Variants in XPA observed in about 807,000 individuals in gnomAD.
The protein encoded by XPA is DNA repair protein complementing XP-A cells.
XPA carries 27 observed loss-of-function variants against 35.7 expected under a neutral mutation model. The observed-to-expected ratio is 0.76, with a 90% CI of 0.56 to 1.04. XPA has a LOEUF of 1.04. Among genes scored for constraint, XPA ranks in the 50% least tolerant of loss-of-function variants. The pLI is 0.00. For missense variants in XPA, 354 were observed against 342.7 expected (o/e 1.03, Z -0.26); for synonymous variants, 133 against 118.4 (o/e 1.12, Z -0.80).
chr9:97,660,814 G>T, the XPA span: 1 of 1,053,494 alleles, frequency 9.5e-7, no homozygotes, highest in South Asian at 1.8e-5. Context: ...ATTAAATATT[G>T]ACCTTGGGAT....
At chr9:97,690,390 T>G (rs768771504) in intron 2 of XPA, among the ~76,000 whole-genome samples, 2 of 151,758 alleles carry the variant, frequency 1.3e-5, no homozygotes, top group East Asian at 3.9e-4. Context: ...TTTGTTTTTG[T>G]TTTGTTTTGT....
intron 5 of XPA, among the ~76,000 whole-genome samples, chr9:97,680,016 A>ATTTT (rs1828487984): frequency 1.3e-5 from 2 of 152,248 alleles, no homozygotes; most frequent in Non-Finnish European, 2.9e-5. Context: ...TGAAAGACAA[A>ATTTT]AAAGGCTGAG....
Position 97,675,352 on chromosome 9 carries a change from T to C in XPA, c.*87A>G. On this transcript the variant is annotated 3_prime_UTR_variant, in exon 6 of 6. Coordinates refer to ENST00000375128, the MANE Select transcript of XPA (RefSeq NM_000380.4). ...TTTCATTCATCTATGAAGATGTTGC[T>C]TTTTTTTTTGAATTTTGAAAAGGAC... The C allele has an allele frequency of 1.1e-6, 1 of 901,752 alleles. No homozygotes were observed. Among genetic ancestry groups the C allele is most frequent in the Non-Finnish European group, 1.6e-6 (1 of 642,152 alleles). 55.9% of individuals were successfully genotyped at this position (901,752 alleles called of 1,614,324 possible). A position where few individuals can be genotyped will look rare whatever the true frequency, so the allele number is the denominator to read the frequency against.
At position 97,697,166 on chromosome 9, in the gene XPA, G is replaced by A; in HGVS notation, c.127C>T (p.Leu43=). ...QRALMLRQAR[L]AARPYSATAA... Reference sequence around the variant, plus strand: ...GTCGCCGAGTAGGGCCGGGCAGCCAGCCGGGCCTGGCGCAGCATCAGTGCC... The same window carrying A: ...GTCGCCGAGTAGGGCCGGGCAGCCAACCGGGCCTGGCGCAGCATCAGTGCC... The change falls in exon 1 of 6, where the codon CTG becomes TTG. Residue 43 remains leucine (L), a synonymous_variant. Coordinates refer to ENST00000375128, the MANE Select transcript of XPA (RefSeq NM_000380.4). 3 of 1,579,862 alleles carry A rather than the reference G, an allele frequency of 1.9e-6. No homozygotes were observed. Among genetic ancestry groups the A allele is most frequent in the Non-Finnish European group, 1.7e-6 (2 of 1,166,942 alleles).
intron 2 of XPA, among the ~76,000 whole-genome samples, chr9:97,690,021 GCTGTGT>G (rs1425681891): frequency 6.6e-6 from 1 of 152,158 alleles, no homozygotes; most frequent in Admixed American, 6.5e-5. Context: ...TGTTGGCAGG[GCTGTGT>G]TCCTTTCTGG....
chr9:97,666,820 G>A, the XPA span: 6 of 1,610,546 alleles, frequency 3.7e-6, no homozygotes, highest in Non-Finnish European at 5.1e-6. Flanking sequence ...AACATGTCCT[G>A]AAGATCCAGA....
At chr9:97,683,640 A>G (rs1297487392) in intron 5 of XPA, among the ~76,000 whole-genome samples, 1 of 152,226 alleles carries the variant, frequency 6.6e-6, no homozygotes, top group Non-Finnish European at 1.5e-5. Context: ...AAAAATTAAA[A>G]TGTTGCTGAT....
chr9:97,658,858 C>A, the XPA span: 2 of 787,966 alleles, frequency 2.5e-6, no homozygotes. Flanking sequence ...TTTATATTTC[C>A]TGTATTTGAA....
chr9:97,681,714 T>G (rs1397347747), intron 5 of XPA, among the ~76,000 whole-genome samples: 2 of 152,172 alleles, frequency 1.3e-5, no homozygotes, highest in African/African-American at 4.8e-5. Flanking sequence ...TTAAGGCCTG[T>G]GCATCCTGAA....
the XPA span, chr9:97,661,061 T>C: frequency 1.2e-6 from 2 of 1,612,312 alleles, no homozygotes; most frequent in South Asian, 1.1e-5. Flanking sequence ...ACCAGGATGA[T>C]GACGACGGTA....
the XPA span, chr9:97,663,199 AATG>A: frequency 3.2e-6 from 2 of 623,660 alleles, no homozygotes; most frequent in Non-Finnish European, 5.6e-6. Flanking sequence ...CTATGGGAGT[AATG>A]ATGTTTCATT....
the XPA span, chr9:97,658,711 C>T: frequency 6.2e-7 from 1 of 1,611,900 alleles, no homozygotes. Flanking sequence ...GCAAACCCAA[C>T]CTGCATTTAC....
chr9:97,655,753 C>G, the XPA span: 1 of 1,612,166 alleles, frequency 6.2e-7, no homozygotes, highest in Non-Finnish European at 8.5e-7. Flanking sequence ...TCCGTTGGAG[C>G]TGGGAAGATT....
chr9:97,693,823 T>A, intron 1 of XPA, 64 bp from the exon 2 acceptor site: 1 of 1,468,138 alleles, frequency 6.8e-7, no homozygotes, highest in Non-Finnish European at 9.5e-7. Flanking sequence ...ACCTTGTTCA[T>A]AAATAGAAAA....
At chr9:97,695,814 G>A (rs1269830012) in intron 1 of XPA, among the ~76,000 whole-genome samples, 1 of 152,206 alleles carries the variant, frequency 6.6e-6, no homozygotes, top group Non-Finnish European at 1.5e-5. Flanking sequence ...ATGGTGGGTT[G>A]TACACAATGC....
intron 5 of XPA, among the ~76,000 whole-genome samples, chr9:97,680,923 A>G (rs1828520984): frequency 6.6e-6 from 1 of 152,112 alleles, no homozygotes; most frequent in African/African-American, 2.4e-5. Context: ...CCACGTTCCA[A>G]CCTCCTAGTT....
Position 97,697,152 on chromosome 9 carries a change from G to GGGCCGGGCAGCC in XPA, c.129_140dup (p.Ala44_Pro47dup), listed in dbSNP as rs757334511. Reference sequence around the variant, plus strand: ...TAGCCGCAGCCGCCGTCGCCGAGTAGGGCCGGGCAGCCAGCCGGGCCTGGC... The same window carrying GGGCCGGGCAGCC: ...TAGCCGCAGCCGCCGTCGCCGAGTAGGGCCGGGCAGCCGGCCGGGCAGCCAGCCGGGCCTGGC... On this transcript the variant is annotated inframe_insertion, in exon 1 of 6. Coordinates refer to ENST00000375128, the MANE Select transcript of XPA (RefSeq NM_000380.4). The GGGCCGGGCAGCC allele has an allele frequency of 1.9e-6, 3 of 1,567,412 alleles. No individual in the cohort carries two copies. The highest frequency in any genetic ancestry group is 1.8e-5 in the Admixed American group (1 of 54,278).
intron 5 of XPA, among the ~76,000 whole-genome samples, chr9:97,683,243 C>A (rs929159634): frequency 6.6e-6 from 1 of 152,148 alleles, no homozygotes; most frequent in South Asian, 2.1e-4. Flanking sequence ...TCCTCCCTTT[C>A]GCACCTCTTA....
At position 97,675,475 on chromosome 9, in the gene XPA, A is replaced by G; in HGVS notation, c.786T>C (p.Thr262=). Reference sequence around the variant, plus strand: ...CATATGTCAGTTCATGGCCACACATAGTACAAGTCTTACGGTACATGTCAT... The same window carrying G: ...CATATGTCAGTTCATGGCCACACATGGTACAAGTCTTACGGTACATGTCAT... ...LEDDMYRKTC[T]MCGHELTYEK... is the part of the protein sequence containing the mutation. Residue 262 remains threonine (T), a synonymous_variant, in exon 6 of 6, where the codon ACT becomes ACC. Transcript: ENST00000375128. 1 of 1,614,002 alleles carries G rather than the reference A, an allele frequency of 6.2e-7. No individual in the cohort carries two copies. The highest frequency in any genetic ancestry group is 1.3e-5 in the African/African-American group (1 of 75,040).
Sources: gnomAD v4.1 joint callset for allele counts (sites outside exome capture counted in the v4.1 genomes callset) on GRCh38, gnomAD v4.1.1 for gene constraint, MANE v1.5 for transcripts, NCBI Gene and HGNC (gene_info 2026-07-23, HGNC 2026-07-21) for gene names.